TRDN: variants seen among roughly 807,000 people sequenced by gnomAD.
The protein encoded by TRDN is triadin.
A neutral mutation model predicts 149.7 loss-of-function variants in TRDN; 161 were observed. The observed-to-expected ratio is 1.08, with a 90% CI of 0.95 to 1.23. The LOEUF is 1.23. TRDN is among the 50% of genes most tolerant of loss of function. The pLI is 0.00. For missense variants in TRDN, 896 were observed against 823.5 expected, an observed-to-expected ratio of 1.09 and a Z score of -1.08; for synonymous variants, 294 against 250.5, an observed-to-expected ratio of 1.17 and a Z score of -1.64.
intron 4 of TRDN, among the ~76,000 whole-genome samples, chr6:123,539,480 A>G (rs1040656322): frequency 1.3e-5 from 2 of 152,214 alleles, no homozygotes; most frequent in African/African-American, 4.8e-5. Flanking sequence ...ACATCAGTAA[A>G]TCTGGCAGTT....
chr6:123,560,843 C>A (rs551943970), intron 2 of TRDN, among the ~76,000 whole-genome samples: 6 of 152,280 alleles, frequency 3.9e-5, no homozygotes, highest in African/African-American at 1.2e-4. Context: ...AGGTTACAAG[C>A]CACTAGTCCG....
chr6:123,231,867 G>A (rs897501699), intron 38 of TRDN, among the ~76,000 whole-genome samples: 1 of 151,970 alleles, frequency 6.6e-6, no homozygotes, highest in Non-Finnish European at 1.5e-5. Flanking sequence ...TTATGTCTAA[G>A]TGACTAAAGA....
chr6:123,264,493 C>G (rs1345095687), intron 33 of TRDN, among the ~76,000 whole-genome samples: 3 of 151,922 alleles, frequency 2.0e-5, no homozygotes, highest in Non-Finnish European at 2.9e-5. Context: ...GAGATGGAAT[C>G]TACTTCTGGT....
At chr6:123,362,839 A>T (rs893555039) in intron 20 of TRDN, among the ~76,000 whole-genome samples, 3 of 152,076 alleles carry the variant, frequency 2.0e-5, no homozygotes, top group Non-Finnish European at 4.4e-5. Flanking sequence ...AACATTTAAA[A>T]TTTTTCTCGA....
intron 9 of TRDN, among the ~76,000 whole-genome samples, chr6:123,483,128 A>G (rs1777834231): frequency 6.8e-6 from 1 of 147,900 alleles, no homozygotes; most frequent in African/African-American, 2.5e-5. Flanking sequence ...TTTGAGACCG[A>G]GTCTCGCCCT....
intron 30 of TRDN, among the ~76,000 whole-genome samples, chr6:123,270,068 C>T (rs79957114): frequency 7.9e-5 from 12 of 152,056 alleles, no homozygotes; most frequent in East Asian, 3.9e-4. Context: ...ACACATGCTA[C>T]GCACATAAAA....
intron 1 of TRDN, among the ~76,000 whole-genome samples, chr6:123,576,291 C>A (rs1009346945): frequency 6.6e-6 from 1 of 151,704 alleles, no homozygotes; most frequent in African/African-American, 2.4e-5. Flanking sequence ...TGTTTTTTAC[C>A]AATTCTAGTG....
In TRDN at chr6:123,393,649, T is replaced by C; in HGVS notation, c.1080A>G (p.Gln360=). 1 of 1,607,196 alleles carries C rather than the reference T, an allele frequency of 6.2e-7. No homozygotes were observed. The highest frequency in any genetic ancestry group is 1.1e-5 in the South Asian group (1 of 90,042). ...KEPGKASETK[Q]GTVKIAAQAA... ...CTTGTGCTGCAATTTTTACAGTCCC[T>C]TGTTTGGTTTCAGAAGCTTTTCCCG... is the stretch of plus-strand genomic sequence containing the variant. The change falls in exon 13 of 41, where the codon CAA becomes CAG. Residue 360 remains glutamine (Q), a synonymous_variant. Coordinates refer to ENST00000334268, the MANE Select transcript of TRDN (RefSeq NM_006073.4).
At chr6:123,443,912 G>C (rs1775110329) in intron 10 of TRDN, among the ~76,000 whole-genome samples, 1 of 150,828 alleles carries the variant, frequency 6.6e-6, no homozygotes, top group African/African-American at 2.5e-5. Context: ...ATGCTGTTTT[G>C]GTTACTGTAG....
At chr6:123,232,368 G>A (rs901036568) in intron 38 of TRDN, among the ~76,000 whole-genome samples, 2 of 152,028 alleles carry the variant, frequency 1.3e-5, no homozygotes, top group African/African-American at 2.4e-5. Flanking sequence ...TGAACTTGAG[G>A]TTAGCTATTT....
intron 9 of TRDN, among the ~76,000 whole-genome samples, chr6:123,489,835 T>C (rs1486116196): frequency 6.6e-6 from 1 of 152,104 alleles, no homozygotes; most frequent in Non-Finnish European, 1.5e-5. Flanking sequence ...TTGACTGAAG[T>C]ATTACATCAT....
At chr6:123,435,787 G>A (rs962491383) in intron 12 of TRDN, among the ~76,000 whole-genome samples, 4 of 152,044 alleles carry the variant, frequency 2.6e-5, no homozygotes, top group Non-Finnish European at 5.9e-5. Context: ...TCTCTGCTTC[G>A]GTGGCTGAGC....
chr6:123,470,058 G>A (rs979329582), intron 9 of TRDN: 3 of 152,098 alleles, frequency 2.0e-5, no homozygotes, highest in Admixed American at 1.3e-4. Flanking sequence ...TTCTGGATAT[G>A]GTATGTTGCA....
chr6:123,605,735 G>T (rs1784502026), intron 1 of TRDN, among the ~76,000 whole-genome samples: 1 of 152,086 alleles, frequency 6.6e-6, no homozygotes, highest in Non-Finnish European at 1.5e-5. Flanking sequence ...CTGTACTCTA[G>T]CCTGGGTAAC....
At position 123,605,859 on chromosome 6, in the gene TRDN, C is replaced by T. The variant is rs113154498; in HGVS notation, c.22+30895G>A. On this transcript the variant is annotated intron_variant, in intron 1 of 40. Transcript: ENST00000334268. ...AACCATAGTTTAATTAACTTTTATG[C>T]CTATTAAGCCTCCTATTTTGTTTTT... 3.8e-3 allele frequency among the ~76,000 whole-genome samples: 580 copies of T among 152,088 alleles called. 5 individuals are homozygous for T. Among genetic ancestry groups the T allele is most frequent in the African/African-American group, 0.013 (553 of 41,502 alleles).
At chr6:123,555,966 A>T (rs1462111717) in intron 2 of TRDN, among the ~76,000 whole-genome samples, 1 of 152,188 alleles carries the variant, frequency 6.6e-6, no homozygotes, top group African/African-American at 2.4e-5. Flanking sequence ...GTGGAATAAA[A>T]GCTATGCTGT....
At chr6:123,554,274 C>G (rs1051491430) in intron 2 of TRDN, among the ~76,000 whole-genome samples, 3 of 151,960 alleles carry the variant, frequency 2.0e-5, no homozygotes, top group African/African-American at 4.8e-5. Flanking sequence ...TGGTAGTACT[C>G]AATATGAGCT....
At chr6:123,298,538 T>C (rs1778289172) in intron 24 of TRDN, among the ~76,000 whole-genome samples, 1 of 152,080 alleles carries the variant, frequency 6.6e-6, no homozygotes, top group Non-Finnish European at 1.5e-5. Context: ...TTTACTCATT[T>C]GTCTCCCCAG....
chr6:123,472,277 A>T (rs1777200582), intron 9 of TRDN, among the ~76,000 whole-genome samples: 1 of 152,206 alleles, frequency 6.6e-6, no homozygotes, highest in Admixed American at 6.5e-5. Context: ...GGGAAGTGCA[A>T]GGGGTCAGGG....
Sources: allele counts gnomAD v4.1 joint callset (sites outside exome capture counted in the v4.1 genomes callset), GRCh38; gene constraint gnomAD v4.1.1; transcripts MANE v1.5; gene names NCBI Gene and HGNC (gene_info 2026-07-23, HGNC 2026-07-21).